The following CTNNA3 variants were observed in gnomAD, a reference collection of about 807,000 sequenced individuals.
CTNNA3 encodes catenin alpha-3.
CTNNA3 carries 76 observed loss-of-function variants against 95.7 expected under a neutral mutation model. That is an observed-to-expected ratio of 0.79 (90% CI 0.66 to 0.96). CTNNA3 has a LOEUF of 0.96. CTNNA3 is among the 40% of genes least tolerant of loss of function. CTNNA3 has a pLI of 0.00. For synonymous variants in CTNNA3, 431 were observed against 374.4 expected (o/e 1.15, Z -1.74); for missense variants, 1,191 against 1,089.8 (o/e 1.09, Z -1.31).
At chr10:66,742,781 C>A (rs979676787) in intron 9 of CTNNA3, among the ~76,000 whole-genome samples, 2 of 152,142 alleles carry the variant, frequency 1.3e-5, no homozygotes, top group African/African-American at 2.4e-5. Context: ...CAAGACAAAG[C>A]GTCCTCTTCT....
chr10:66,080,248 A>G (rs945596558), intron 14 of CTNNA3, among the ~76,000 whole-genome samples: 2 of 152,092 alleles, frequency 1.3e-5, no homozygotes, highest in African/African-American at 2.4e-5. Flanking sequence ...TTTGAGAGTG[A>G]TCTTGTATAA....
chr10:66,078,736 C>T (rs1001507810), intron 14 of CTNNA3, among the ~76,000 whole-genome samples: 3 of 151,808 alleles, frequency 2.0e-5, no homozygotes, highest in Admixed American at 1.3e-4. Flanking sequence ...TTTGGTTCCT[C>T]GTTCCAGAAT....
rs745930710 is a variant in CTNNA3 at position 66,927,255 on chromosome 10, G to A, written c.1048-151731C>T. On this transcript the variant is annotated intron_variant, in intron 7 of 17. Transcript: ENST00000433211. This position sits in a 1 kb window ranked among gnomAD's most constrained non-coding sequence, Gnocchi z 4.7. Reference sequence around the variant, plus strand: ...TTAATGGAATACGCAGACTCAAAGAGCTGATTCTTAGTTCCAATAGAATCT... The same window carrying A: ...TTAATGGAATACGCAGACTCAAAGAACTGATTCTTAGTTCCAATAGAATCT... 6.2e-7 allele frequency: 1 copy of A among 1,614,018 alleles called. No individual in the cohort carries two copies. The highest frequency in any genetic ancestry group is 8.5e-7 in the Non-Finnish European group (1 of 1,180,020).
At chr10:66,371,317 C>T (rs1047635524) in intron 12 of CTNNA3, among the ~76,000 whole-genome samples, 3 of 152,084 alleles carry the variant, frequency 2.0e-5, no homozygotes, top group African/African-American at 7.2e-5. Context: ...GCAAAACAAA[C>T]ATTATTTTAT....
chr10:66,741,370 G>A (rs921366385), intron 9 of CTNNA3, among the ~76,000 whole-genome samples: 13 of 152,150 alleles, frequency 8.5e-5, no homozygotes, highest in African/African-American at 1.4e-4. Context: ...CATTACCAAA[G>A]TACTTTGTGA....
In CTNNA3 at chr10:66,876,910, C is replaced by T. The variant is rs910117344; in HGVS notation, c.1048-101386G>A. Among the ~76,000 whole-genome samples the T allele has an allele frequency of 3.3e-5, 5 of 152,112 alleles. No homozygotes were observed. The East Asian group carries it at 9.6e-4, about 29-fold the overall frequency. On this transcript the variant is annotated intron_variant, in intron 7 of 17. Transcript: ENST00000433211. The stretch of plus-strand genomic sequence containing the variant: ...TTCTTATTAGGTTCTCTGCATAAAC[C>T]TTTGCTTTCCTCAAGAACAGTTTTG...
At chr10:67,408,163 G>T (rs969016493) in intron 5 of CTNNA3, among the ~76,000 whole-genome samples, 16 of 152,314 alleles carry the variant, frequency 1.1e-4, no homozygotes, top group African/African-American at 3.6e-4. Flanking sequence ...TGGCCATACT[G>T]TCCAAAGTAA....
At chr10:66,794,586 T>C (rs1431211637) in intron 7 of CTNNA3, among the ~76,000 whole-genome samples, 1 of 152,190 alleles carries the variant, frequency 6.6e-6, no homozygotes, top group Non-Finnish European at 1.5e-5. Flanking sequence ...TGCCTCAATG[T>C]TGATGGCTGC....
At chr10:66,516,125 T>C (rs1840848893) in intron 11 of CTNNA3, among the ~76,000 whole-genome samples, 1 of 150,530 alleles carries the variant, frequency 6.6e-6, no homozygotes, top group Admixed American at 6.6e-5. Context: ...CTACAGCATC[T>C]AGGCTGGTAC....
At chr10:66,038,319 C>T (rs1201570181) in intron 15 of CTNNA3, among the ~76,000 whole-genome samples, 1 of 152,100 alleles carries the variant, frequency 6.6e-6, no homozygotes, top group African/African-American at 2.4e-5. Flanking sequence ...ACATGCATTC[C>T]AGTGGCAAGG....
At chr10:67,062,102 A>G (rs1272574897) in intron 7 of CTNNA3, among the ~76,000 whole-genome samples, 3 of 152,162 alleles carry the variant, frequency 2.0e-5, no homozygotes, top group Non-Finnish European at 4.4e-5. Flanking sequence ...ACCACTTTAT[A>G]TATATATACA....
intron 12 of CTNNA3, among the ~76,000 whole-genome samples, chr10:66,324,347 C>T (rs1034025034): frequency 1.3e-5 from 2 of 152,052 alleles, no homozygotes; most frequent in African/African-American, 4.8e-5. Context: ...ACAAAAAAAC[C>T]TCACATTCAT....
At chr10:67,426,371 C>T (rs1391163945) in intron 5 of CTNNA3, among the ~76,000 whole-genome samples, 1 of 151,994 alleles carries the variant, frequency 6.6e-6, no homozygotes, top group Non-Finnish European at 1.5e-5. Flanking sequence ...CCAAGTGCAA[C>T]TTATTAACAG....
At chr10:66,859,477 T>C (rs372487510) in intron 7 of CTNNA3, among the ~76,000 whole-genome samples, 4 of 152,134 alleles carry the variant, frequency 2.6e-5, no homozygotes, top group East Asian at 1.9e-4. Flanking sequence ...TATCATCTCA[T>C]ACCAGTTAGA....
intron 7 of CTNNA3, among the ~76,000 whole-genome samples, chr10:66,892,415 T>C (rs1163913748): frequency 6.6e-6 from 1 of 152,138 alleles, no homozygotes; most frequent in Non-Finnish European, 1.5e-5. Context: ...TCATTAACTA[T>C]ATTGTAAATC....
chr10:66,494,407 CAG>C (rs1840034180), intron 11 of CTNNA3, among the ~76,000 whole-genome samples: 1 of 152,172 alleles, frequency 6.6e-6, no homozygotes, highest in African/African-American at 2.4e-5. Flanking sequence ...CATACTTTCA[CAG>C]AGACAGTAGA....
At chr10:66,817,972 A>G (rs1365656403) in intron 7 of CTNNA3, among the ~76,000 whole-genome samples, 1 of 152,084 alleles carries the variant, frequency 6.6e-6, no homozygotes, top group Non-Finnish European at 1.5e-5. Context: ...CAGGAAGGCA[A>G]GACCGTTTCA....
intron 5 of CTNNA3, among the ~76,000 whole-genome samples, chr10:67,498,278 G>T (rs1219450554): frequency 2.6e-5 from 4 of 152,268 alleles, no homozygotes; most frequent in Non-Finnish European, 5.9e-5. Flanking sequence ...CCTCTGTTCT[G>T]TTCCATTGGT....
intron 17 of CTNNA3, among the ~76,000 whole-genome samples, chr10:65,942,231 G>C (rs1564528955): frequency 6.6e-6 from 1 of 152,158 alleles, no homozygotes; most frequent in African/African-American, 2.4e-5. Context: ...TAGAACTTGG[G>C]AATGATTGCA....
Sources: gnomAD v4.1 joint callset for allele counts (sites outside exome capture counted in the v4.1 genomes callset) on GRCh38, gnomAD v4.1.1 for gene constraint, Gnocchi (gnomAD v3.1) non-coding constraint, MANE v1.5 for transcripts, NCBI Gene and HGNC (gene_info 2026-07-23, HGNC 2026-07-21) for gene names.